EYS: variants seen among roughly 807,000 people sequenced by gnomAD.
The protein encoded by EYS is protein eyes shut homolog.
EYS carries 250 observed loss-of-function variants against 282.1 expected under a neutral mutation model. The observed-to-expected ratio is 0.89, with a 90% CI of 0.80 to 0.98. The LOEUF (loss-of-function observed/expected upper bound fraction) is 0.98, where lower values mean the gene tolerates loss of function less well. Ranked by LOEUF, EYS falls within the 50% of genes least tolerant of loss-of-function variation. EYS has a pLI of 0.00. For missense variants in EYS, 4,016 were observed against 3,709.0 expected (o/e 1.08, Z -2.15); for synonymous variants, 1,355 against 1,282.9 (o/e 1.06, Z -1.20).
chr6:63,778,264 T>C (rs1770117637), intron 39 of EYS, 84 bp from the exon 40 acceptor site: 4 of 1,369,926 alleles, frequency 2.9e-6, no homozygotes, highest in Non-Finnish European at 4.0e-6. Flanking sequence ...ATTTTTAAAG[T>C]AGAAGTTTTT....
intron 29 of EYS, among the ~76,000 whole-genome samples, chr6:64,336,562 GTCA>G (rs1561937265): frequency 1.3e-5 from 2 of 151,994 alleles, no homozygotes; most frequent in Non-Finnish European, 2.9e-5. Flanking sequence ...CCCTAGACAG[GTCA>G]TCAAGACAGA....
chr6:64,560,018 C>T (rs1275358779), intron 26 of EYS, among the ~76,000 whole-genome samples: 1 of 152,076 alleles, frequency 6.6e-6, no homozygotes, highest in Admixed American at 6.6e-5. Flanking sequence ...ACGTACCACT[C>T]ATAATCTATC....
chr6:63,842,681 C>G (rs1357194092), intron 36 of EYS, among the ~76,000 whole-genome samples: 1 of 152,048 alleles, frequency 6.6e-6, no homozygotes, highest in Non-Finnish European at 1.5e-5. Flanking sequence ...AAGTCTTTGC[C>G]CATGCCTATG....
At chr6:64,582,689 C>T (rs979705047) in intron 26 of EYS, among the ~76,000 whole-genome samples, 2 of 150,848 alleles carry the variant, frequency 1.3e-5, no homozygotes, top group African/African-American at 4.9e-5. Context: ...CTGTAGAATG[C>T]ACAAAAAAGT....
chr6:64,786,608 C>T (rs1019776525), intron 22 of EYS, among the ~76,000 whole-genome samples: 1 of 152,074 alleles, frequency 6.6e-6, no homozygotes, highest in African/African-American at 2.4e-5. Flanking sequence ...GACACCATAC[C>T]GGGGTCCCCA....
At chr6:65,680,107 C>T (rs1028494106) in intron 1 of EYS, among the ~76,000 whole-genome samples, 1 of 151,506 alleles carries the variant, frequency 6.6e-6, no homozygotes, top group African/African-American at 2.4e-5. Flanking sequence ...CACACACACA[C>T]ACACACACAA....
chr6:64,241,782 T>C (rs1766841848), intron 30 of EYS, among the ~76,000 whole-genome samples: 1 of 151,908 alleles, frequency 6.6e-6, no homozygotes. Flanking sequence ...TTAATTGTGA[T>C]ATTAGGGTGT....
At chr6:64,916,624 A>G (rs11754042) in intron 15 of EYS, among the ~76,000 whole-genome samples, 4,751 of 152,264 alleles carry the variant, frequency 0.031, 131 homozygotes, top group East Asian at 0.13. Context: ...CCATGAAATA[A>G]TTTCAGGATT....
chr6:64,991,706 T>G (rs1031499802), intron 14 of EYS, among the ~76,000 whole-genome samples: 1 of 151,674 alleles, frequency 6.6e-6, no homozygotes, highest in African/African-American at 2.4e-5. Context: ...GACTTTATTC[T>G]GCTTGTCTTA....
chr6:65,439,153 C>T (rs1460543325), intron 5 of EYS, among the ~76,000 whole-genome samples: 5 of 152,052 alleles, frequency 3.3e-5, no homozygotes, highest in Non-Finnish European at 7.4e-5. Context: ...TTGTCAAATT[C>T]AGATGGTTGT....
chr6:64,782,137 T>C (rs1273718561), intron 22 of EYS, among the ~76,000 whole-genome samples: 1 of 152,240 alleles, frequency 6.6e-6, no homozygotes, highest in African/African-American at 2.4e-5. Flanking sequence ...CATAAGTTAT[T>C]GGCAGATCAT....
chr6:64,507,130 A>T lies in EYS; in HGVS notation c.5645-67778T>A, dbSNP rs116270190. Among the ~76,000 whole-genome samples, 709 of 152,068 alleles carry T rather than the reference A, an allele frequency of 4.7e-3. 5 individuals carry two copies. The highest frequency in any genetic ancestry group is 0.016 in the African/African-American group (658 of 41,552). On this transcript the variant is annotated intron_variant, in intron 26 of 42. Transcript: ENST00000503581. ...TGACAACCATCATCTTGTTATCAAA[A>T]TATATTTGAAAATAAATCAACCTCT... is the stretch of plus-strand genomic sequence containing the variant.
intron 12 of EYS, among the ~76,000 whole-genome samples, chr6:65,247,060 T>A (rs980787740): frequency 1.3e-5 from 2 of 152,072 alleles, no homozygotes; most frequent in Non-Finnish European, 2.9e-5. Flanking sequence ...CATAGGGTGA[T>A]TTTATGTTTT....
chr6:63,816,043 A>G (rs1294252089), intron 36 of EYS, among the ~76,000 whole-genome samples: 1 of 152,152 alleles, frequency 6.6e-6, no homozygotes, highest in African/African-American at 2.4e-5. Context: ...GCATCTTGCA[A>G]AATACTAACT....
intron 2 of EYS, among the ~76,000 whole-genome samples, chr6:65,511,984 CAAAAAA>C (rs11368301): frequency 1.1e-5 from 1 of 94,828 alleles, no homozygotes; most frequent in African/African-American, 5.0e-5. Context: ...AACTCTGTCT[CAAAAAA>C]AAAAAAAAAA....
intron 29 of EYS, among the ~76,000 whole-genome samples, chr6:64,344,799 C>T (rs2150399148): frequency 6.6e-6 from 1 of 152,030 alleles, no homozygotes; most frequent in Middle Eastern, 3.4e-3. Context: ...TCTAGAAAAC[C>T]CCATGGTCTC....
intron 2 of EYS, among the ~76,000 whole-genome samples, chr6:65,527,830 C>T (rs559476254): frequency 6.6e-6 from 1 of 152,278 alleles, no homozygotes; most frequent in South Asian, 2.1e-4. Flanking sequence ...CCTCCCTAAA[C>T]AGCTTTAGTT....
At chr6:63,880,397 G>T (rs1052945282) in intron 35 of EYS, among the ~76,000 whole-genome samples, 5 of 151,620 alleles carry the variant, frequency 3.3e-5, no homozygotes, top group African/African-American at 1.2e-4. Flanking sequence ...CTTGCAGACA[G>T]CCTATTGTGG....
At chr6:64,645,508 G>A (rs1420880789) in intron 22 of EYS, among the ~76,000 whole-genome samples, 1 of 152,192 alleles carries the variant, frequency 6.6e-6, no homozygotes, top group Non-Finnish European at 1.5e-5. Context: ...TTAAGAGTCA[G>A]AGTTTTAAAG....
Sources: gnomAD v4.1 joint callset for allele counts (sites outside exome capture counted in the v4.1 genomes callset) on GRCh38, gnomAD v4.1.1 for gene constraint, MANE v1.5 for transcripts, NCBI Gene and HGNC (gene_info 2026-07-23, HGNC 2026-07-21) for gene names.